The following CPNE4 variants were observed in gnomAD, a reference collection of about 807,000 sequenced individuals.
CPNE4 encodes the protein copine-4.
In CPNE4, 25 loss-of-function variants were observed where a neutral mutation model predicts 67.9. The ratio of observed to expected loss-of-function variants is 0.37; its 90% confidence interval spans 0.27 to 0.51. CPNE4 has a LOEUF of 0.51. Ranked by LOEUF, CPNE4 falls within the 20% of genes least tolerant of loss-of-function variation. The pLI is 0.93. For synonymous variants in CPNE4, 242 were observed against 244.9 expected (o/e 0.99, Z 0.11); for missense variants, 464 against 690.8 (o/e 0.67, Z 3.68).
intron 7 of CPNE4, among the ~76,000 whole-genome samples, chr3:131,617,821 A>C (rs1199462457): frequency 1.3e-5 from 2 of 152,188 alleles, no homozygotes; most frequent in Non-Finnish European, 2.9e-5. Flanking sequence ...GGAGTGAAAG[A>C]CTTTAATTCT....
chr3:131,664,868 A>C (rs2080218993), intron 7 of CPNE4, among the ~76,000 whole-genome samples: 1 of 152,186 alleles, frequency 6.6e-6, no homozygotes, highest in Non-Finnish European at 1.5e-5. Context: ...GATGCCATAG[A>C]AAGTAGTAGT....
At chr3:131,734,511 G>T (rs1222618662) in intron 2 of CPNE4, among the ~76,000 whole-genome samples, 1 of 152,150 alleles carries the variant, frequency 6.6e-6, no homozygotes, top group Non-Finnish European at 1.5e-5. Flanking sequence ...AGTATCTCCT[G>T]TGTCACATGT....
At position 131,696,672 on chromosome 3, in the gene CPNE4, A is replaced by G; in HGVS notation, c.433-56T>C. On this transcript the variant is annotated intron_variant, in intron 4 of 15. Transcript: ENST00000429747. ...AGAGGGTGAACTCCTTAGCTCCAGA[A>G]CCCATGAGCAAATTTAGTTCCTGTT... is the stretch of plus-strand genomic sequence containing the variant. The G allele has an allele frequency of 1.3e-6, 2 of 1,498,462 alleles. 1 individual carries two copies. The allele number at this position is 1,498,462 out of a possible 1,614,324, so 92.8% of individuals were successfully genotyped here. A position where few individuals can be genotyped will look rare whatever the true frequency, so the allele number is the denominator to read the frequency against.
chr3:132,026,170 G>T (rs2074112018), intron 1 of CPNE4, among the ~76,000 whole-genome samples: 1 of 152,196 alleles, frequency 6.6e-6, no homozygotes, highest in African/African-American at 2.4e-5. Context: ...AGCATGCTTT[G>T]CCTGGATGCA....
At chr3:131,653,768 C>T (rs755443759) in intron 7 of CPNE4, among the ~76,000 whole-genome samples, 1 of 152,202 alleles carries the variant, frequency 6.6e-6, no homozygotes. Flanking sequence ...AAGTTCTTGG[C>T]TTAGACACTT....
At chr3:131,870,420 C>G (rs541445781) in intron 2 of CPNE4, among the ~76,000 whole-genome samples, 2 of 152,216 alleles carry the variant, frequency 1.3e-5, no homozygotes, top group South Asian at 4.1e-4. Context: ...TGCTAATAAT[C>G]AGGCACAAAG....
chr3:131,911,912 T>C (rs1310248229), intron 1 of CPNE4, among the ~76,000 whole-genome samples: 1 of 152,134 alleles, frequency 6.6e-6, no homozygotes, highest in African/African-American at 2.4e-5. Context: ...TTGGTCCAGC[T>C]GAAGCTCACT....
At chr3:131,895,902 C>T (rs918842344) in intron 2 of CPNE4, among the ~76,000 whole-genome samples, 1 of 152,024 alleles carries the variant, frequency 6.6e-6, no homozygotes, top group South Asian at 2.1e-4. Context: ...CTTCAATCCT[C>T]CTTCCAGGAA....
chr3:131,763,556 T>C (rs1023567020), intron 2 of CPNE4, among the ~76,000 whole-genome samples: 9 of 152,128 alleles, frequency 5.9e-5, no homozygotes, highest in Non-Finnish European at 8.8e-5. Flanking sequence ...ATGAGGAGAT[T>C]ATGATGGACA....
chr3:131,977,125 T>C (rs1269440594), intron 1 of CPNE4, among the ~76,000 whole-genome samples: 2 of 152,206 alleles, frequency 1.3e-5, no homozygotes, highest in East Asian at 3.9e-4. Flanking sequence ...ATAAACCCAC[T>C]TTAAGTAAAA....
intron 1 of CPNE4, among the ~76,000 whole-genome samples, chr3:131,996,854 G>A (rs946892477): frequency 1.3e-5 from 2 of 152,110 alleles, no homozygotes; most frequent in African/African-American, 4.8e-5. Flanking sequence ...AGAGTTTCAG[G>A]AGACCTAGAA....
At chr3:131,636,708 A>G (rs2079397187) in intron 7 of CPNE4, among the ~76,000 whole-genome samples, 1 of 152,110 alleles carries the variant, frequency 6.6e-6, no homozygotes, top group Non-Finnish European at 1.5e-5. Context: ...TGAAAGCGCA[A>G]CCTCCTGGCT....
At chr3:131,682,951 C>A (rs1339958444) in intron 6 of CPNE4, among the ~76,000 whole-genome samples, 1 of 152,096 alleles carries the variant, frequency 6.6e-6, no homozygotes, top group African/African-American at 2.4e-5. Flanking sequence ...GCCTGCCTAC[C>A]ACCAACGTTC....
intron 14 of CPNE4, among the ~76,000 whole-genome samples, chr3:131,545,157 G>A (rs976853817): frequency 1.3e-5 from 2 of 152,142 alleles, no homozygotes; most frequent in African/African-American, 2.4e-5. Flanking sequence ...GAGAGGCTGT[G>A]TTCCAATAAT....
chr3:131,600,092 C>G (rs1316509987), intron 7 of CPNE4, among the ~76,000 whole-genome samples: 1 of 152,074 alleles, frequency 6.6e-6, no homozygotes, highest in Non-Finnish European at 1.5e-5. Context: ...GAAGTACCAG[C>G]ATCTGGGATG....
chr3:131,678,497 C>T (rs915516285), intron 6 of CPNE4, among the ~76,000 whole-genome samples: 1 of 152,042 alleles, frequency 6.6e-6, no homozygotes, highest in African/African-American at 2.4e-5. Flanking sequence ...TGAGAGAGGG[C>T]ATCTTTGTTT....
rs78744448 is a variant in CPNE4, at chr3:131,611,336, C to T, written c.682-23754G>A. Reference sequence around the variant, plus strand: ...GCTATACCCTTATTTATAATAGTGCCCAAGAGTAATATGTAATTAACTTCA... The same window carrying T: ...GCTATACCCTTATTTATAATAGTGCTCAAGAGTAATATGTAATTAACTTCA... On this transcript the variant is annotated intron_variant, in intron 7 of 15. Transcript: ENST00000429747. Among the ~76,000 whole-genome samples, 581 of 152,106 alleles carry T rather than the reference C, an allele frequency of 3.8e-3. 2 individuals are homozygous for T. The highest frequency in any genetic ancestry group is 6.5e-3 in the Non-Finnish European group (441 of 67,990).
At chr3:132,009,343 G>A (rs2073690523) in intron 1 of CPNE4, among the ~76,000 whole-genome samples, 1 of 152,176 alleles carries the variant, frequency 6.6e-6, no homozygotes, top group African/African-American at 2.4e-5. Flanking sequence ...AGCCTCCAGA[G>A]CTCATCACAG....
intron 2 of CPNE4, among the ~76,000 whole-genome samples, chr3:131,810,099 G>A (rs1174095971): frequency 1.3e-5 from 2 of 151,990 alleles, no homozygotes; most frequent in African/African-American, 4.8e-5. Flanking sequence ...GAACCATAAA[G>A]CTTCCAAAAG....
Sources: gnomAD v4.1 joint callset for allele counts (sites outside exome capture counted in the v4.1 genomes callset) on GRCh38, gnomAD v4.1.1 for gene constraint, MANE v1.5 for transcripts, NCBI Gene and HGNC (gene_info 2026-07-23, HGNC 2026-07-21) for gene names.